The following SEL1L2 variants were observed in gnomAD, a reference collection of about 807,000 sequenced individuals.
SEL1L2 encodes the protein protein sel-1 homolog 2.
In SEL1L2, 89 loss-of-function variants were observed where a neutral mutation model predicts 98.8. The ratio of observed to expected loss-of-function variants is 0.90; its 90% CI spans 0.76 to 1.07. The LOEUF (loss-of-function observed/expected upper bound fraction) is 1.07. Ranked by LOEUF, SEL1L2 falls within the 50% of genes least tolerant of loss-of-function variation. SEL1L2 has a pLI of 0.00. For synonymous variants in SEL1L2, 262 were observed against 278.5 expected (o/e 0.94, Z 0.59); for missense variants, 788 against 812.0 (o/e 0.97, Z 0.36).
intron 2 of SEL1L2, among the ~76,000 whole-genome samples, chr20:13,946,412 C>T (rs576456200): frequency 6.6e-6 from 1 of 152,062 alleles, no homozygotes; most frequent in Non-Finnish European, 1.5e-5. Flanking sequence ...GAATAAAGTA[C>T]TTATAAAGAA....
At position 13,876,002 on chromosome 20, in the gene SEL1L2, T is replaced by G. The variant is rs761099962; in HGVS notation, c.1104+36A>C. On this transcript the variant is annotated intron_variant, in intron 12 of 19. Transcript: ENST00000284951. ...GTCTGCGTGTAATAAAAGCAATTTG[T>G]GTGTATGTGTTTACAACAGTGCATT... The G allele has an allele frequency of 5.4e-6, 8 of 1,491,916 alleles. No individual in the cohort carries two copies. The African/African-American group carries it at 8.3e-5, about 15-fold the overall frequency. The allele number at this position is 1,491,916 out of a possible 1,614,324, so 92.4% of individuals were successfully genotyped here.
chr20:13,897,511 GATT>G (rs1371109441), intron 5 of SEL1L2, among the ~76,000 whole-genome samples: 1 of 152,100 alleles, frequency 6.6e-6, no homozygotes, highest in Non-Finnish European at 1.5e-5. Context: ...TCTGTTAAGG[GATT>G]AACATCCAGA....
intron 18 of SEL1L2, 127 bp from the exon 19 acceptor site, chr20:13,850,446 C>T: frequency 1.0e-6 from 1 of 987,746 alleles, no homozygotes; most frequent in African/African-American, 1.6e-5. Flanking sequence ...ATGGATTATC[C>T]AAGTGGACCT....
At position 13,907,700 on chromosome 20, in the gene SEL1L2, CTCTTTCTTTCTTTCTT is replaced by C. The variant is rs10665105; in HGVS notation, c.549+6066_549+6081del. Among the ~76,000 whole-genome samples the C allele has an allele frequency of 2.1e-3, 270 of 125,656 alleles. 2 individuals are homozygous for C. The highest frequency in any genetic ancestry group is 0.012 in the Middle Eastern group (3 of 248). 82.4% of individuals were successfully genotyped at this position (125,656 alleles called of 152,430 possible). A position where few individuals can be genotyped will look rare whatever the true frequency, so the allele number is the denominator to read the frequency against. ...TCTTTTTCTCTTTCTTTCTTTCTTT[CTCTTTCTTTCTTTCTT>C]TCTTTCTTTCTTTCTTTCTTTCTTT... On this transcript the variant is annotated intron_variant, in intron 5 of 19. Coordinates refer to ENST00000284951, the MANE Select transcript of SEL1L2 (RefSeq NM_025229.2).
At chr20:13,991,422 G>C (rs2052529392), upstream of SEL1L2, among the ~76,000 whole-genome samples, 1 of 152,170 alleles carries the variant, frequency 6.6e-6, no homozygotes, top group Non-Finnish European at 1.5e-5. Context: ...TAGTTCTAGA[G>C]ACCAGAATTC....
At chr20:13,906,565 G>T (rs980606625) in intron 5 of SEL1L2, among the ~76,000 whole-genome samples, 8 of 151,980 alleles carry the variant, frequency 5.3e-5, no homozygotes, top group Non-Finnish European at 8.8e-5. Context: ...CTCAATGCAG[G>T]TAATTCTAGA....
chr20:13,990,386 C>G, intron 1 of SEL1L2, 91 bp downstream of exon 1: 1 of 853,474 alleles, frequency 1.2e-6, no homozygotes, highest in South Asian at 1.4e-5. Flanking sequence ...AGTAAAGTTA[C>G]TTCTAGTCTT....
At position 13,916,906 on chromosome 20, in the gene SEL1L2, T is replaced by C. The variant is rs556519815; in HGVS notation, c.386+2115A>G. ...AGCATGAAACTGAATGACACCCAGGTAGGCATGAAGGTTCCCACACTAATG... is the reference window on the plus strand; with the variant it reads ...AGCATGAAACTGAATGACACCCAGGCAGGCATGAAGGTTCCCACACTAATG... On this transcript the variant is annotated intron_variant, in intron 4 of 19. Transcript: ENST00000284951. Among the ~76,000 whole-genome samples the C allele has an allele frequency of 3.3e-5, 5 of 152,216 alleles. No individual in the cohort carries two copies. The East Asian group carries it at 9.7e-4, about 29-fold the overall frequency.
At chr20:13,901,036 AT>A (rs1477276007) in intron 5 of SEL1L2, among the ~76,000 whole-genome samples, 1 of 144,158 alleles carries the variant, frequency 6.9e-6, no homozygotes, top group Non-Finnish European at 1.5e-5. Flanking sequence ...GCTAGAGTTA[AT>A]TTTTTTTCCT....
intron 17 of SEL1L2, among the ~76,000 whole-genome samples, chr20:13,861,869 C>T (rs1044417828): frequency 1.3e-5 from 2 of 152,136 alleles, no homozygotes; most frequent in Non-Finnish European, 2.9e-5. Context: ...GCTGGCTTCT[C>T]GTCATTCTCA....
intron 2 of SEL1L2, among the ~76,000 whole-genome samples, chr20:13,942,274 T>C (rs2049816561): frequency 6.6e-6 from 1 of 152,212 alleles, no homozygotes; most frequent in Admixed American, 6.5e-5. Context: ...TTCCATATAC[T>C]ATGTTTAAAC....
At chr20:13,965,687 G>T (rs1216118843) in intron 1 of SEL1L2, among the ~76,000 whole-genome samples, 1 of 152,154 alleles carries the variant, frequency 6.6e-6, no homozygotes, top group Non-Finnish European at 1.5e-5. Context: ...GGGCACAGTG[G>T]CTCACGCCTG....
At chr20:13,942,677 T>C (rs577603241) in intron 2 of SEL1L2, among the ~76,000 whole-genome samples, 1 of 152,336 alleles carries the variant, frequency 6.6e-6, no homozygotes, top group Admixed American at 6.5e-5. Flanking sequence ...TATGTGTACA[T>C]ATAGCAAAGA....
At chr20:13,984,711 T>C (rs2052065439) in intron 1 of SEL1L2, among the ~76,000 whole-genome samples, 1 of 147,700 alleles carries the variant, frequency 6.8e-6, no homozygotes, top group Non-Finnish European at 1.5e-5. Context: ...CCTCCTCTCC[T>C]CTTCTTTCCT....
At chr20:13,971,321 GT>G (rs2148508841) in intron 1 of SEL1L2, among the ~76,000 whole-genome samples, 1 of 152,184 alleles carries the variant, frequency 6.6e-6, no homozygotes, top group African/African-American at 2.4e-5. Context: ...CTTTTTGTTT[GT>G]GTTTTGTTCA....
intron 17 of SEL1L2, among the ~76,000 whole-genome samples, chr20:13,864,069 A>T (rs1338912868): frequency 6.6e-6 from 1 of 151,980 alleles, no homozygotes; most frequent in Non-Finnish European, 1.5e-5. Flanking sequence ...CAATTTCCAC[A>T]CCATTTCCTG....
intron 5 of SEL1L2, among the ~76,000 whole-genome samples, chr20:13,903,775 A>G (rs1190981003): frequency 6.6e-6 from 1 of 152,114 alleles, no homozygotes; most frequent in African/African-American, 2.4e-5. Flanking sequence ...AGATCATGCC[A>G]CTGCACTTCA....
chr20:13,990,529 C>T lies in SEL1L2; in HGVS notation c.6G>A (p.Lys2=). 1.2e-6 allele frequency: 2 copies of T among 1,611,680 alleles called. No homozygotes were observed. Among genetic ancestry groups the T allele is most frequent in the Non-Finnish European group, 1.7e-6 (2 of 1,178,414 alleles). The part of the protein sequence containing the change: M[K]PLSLLIEILI... ...ATATCTCTATTAACAGAGACAAGGG[C>T]TTCATCTTCTCTTAAGCAGCTTCTC... is the stretch of plus-strand genomic sequence containing the variant. Residue 2 remains lysine (K), a synonymous_variant, in exon 1 of 20, where the codon AAG becomes AAA. Transcript: ENST00000284951.
chr20:13,896,320 AT>A lies in SEL1L2; in HGVS notation c.550-7809del, dbSNP rs576499583. Among the ~76,000 whole-genome samples the A allele has an allele frequency of 7.9e-5, 12 of 152,204 alleles. No individual in the cohort carries two copies. In the South Asian group the frequency reaches 2.1e-3, roughly 26 times the overall value. On this transcript the variant is annotated intron_variant, in intron 5 of 19. Coordinates refer to ENST00000284951, the MANE Select transcript of SEL1L2 (RefSeq NM_025229.2). ...CCCCGTCTCTATTAAAAATACAAAAATTAGCTGGGCACGGTGGGGGGCGCCT... is the reference window on the plus strand; with the variant it reads ...CCCCGTCTCTATTAAAAATACAAAAATAGCTGGGCACGGTGGGGGGCGCCT...
Sources: allele counts gnomAD v4.1 joint callset (sites outside exome capture counted in the v4.1 genomes callset), GRCh38; gene constraint gnomAD v4.1.1; transcripts MANE v1.5; gene names NCBI Gene and HGNC (gene_info 2026-07-23, HGNC 2026-07-21).